The following CCND3 variants were observed in gnomAD, a reference collection of about 807,000 sequenced individuals.
CCND3 encodes cyclin D3, also known as G1/S-specific cyclin-D3.
A neutral mutation model predicts 28.7 loss-of-function variants in CCND3; 9 were observed. That is an observed-to-expected ratio of 0.31 (90% CI 0.19 to 0.55). CCND3 has a LOEUF of 0.55. CCND3 is among the 20% of genes least tolerant of loss of function. CCND3 has a pLI of 0.93. For synonymous variants in CCND3, 164 were observed against 163.9 expected (o/e 1.00, Z 0.00); for missense variants, 315 against 385.8 (o/e 0.82, Z 1.54).
intron 1 of CCND3, among the ~76,000 whole-genome samples, chr6:42,022,665 T>C (rs1292844669): frequency 4.6e-5 from 7 of 152,206 alleles, no homozygotes; most frequent in Non-Finnish European, 1.0e-4. Flanking sequence ...CCTGGAGCAG[T>C]CACAGGTGGC....
chr6:42,042,352 G>C (rs1039590966), intron 1 of CCND3, among the ~76,000 whole-genome samples: 1 of 141,190 alleles, frequency 7.1e-6, no homozygotes, highest in South Asian at 2.4e-4. Flanking sequence ...GGAAGCGTAG[G>C]CTCGGAAGTG....
At position 41,938,407 on chromosome 6, in the gene CCND3, A is replaced by G. The variant is rs1775878995; in HGVS notation, c.415-1013T>C. 1 of 152,250 alleles carries G rather than the reference A, an allele frequency of 6.6e-6. No individual in the cohort carries two copies. The highest frequency in any genetic ancestry group is 1.5e-5 in the Non-Finnish European group (1 of 68,078). 9.4% of individuals were successfully genotyped at this position (152,250 alleles called of 1,614,324 possible). The stretch of plus-strand genomic sequence containing the variant: ...CCCCAGCTTAGGTGTCAGCCTCTCA[A>G]ATCAACCCCTACCCTCACAGAGCCC... On this transcript the variant is annotated intron_variant, in intron 2 of 4. Transcript: ENST00000372991. The surrounding 1 kb of genome is among the most constrained non-coding windows in gnomAD (Gnocchi z 4.6).
chr6:41,978,114 C>A (rs1471569755), intron 1 of CCND3, among the ~76,000 whole-genome samples: 4 of 151,994 alleles, frequency 2.6e-5, no homozygotes, highest in African/African-American at 9.7e-5. Context: ...GTGGCTCATG[C>A]CTGTAATCCC....
chr6:41,997,815 T>A (rs778866249), intron 1 of CCND3, among the ~76,000 whole-genome samples: 3 of 151,548 alleles, frequency 2.0e-5, no homozygotes, highest in African/African-American at 7.3e-5. Flanking sequence ...AATCCAATCA[T>A]CTCTAAGGTC....
At position 41,938,596 on chromosome 6, in the gene CCND3, G is replaced by A. The variant is rs1251110215; in HGVS notation, c.415-1202C>T. ...AACTGGGAGTGGGACTCTCCCTATG[G>A]GGAGGCAAGGGGTTGTGTTTGAGGG... On this transcript the variant is annotated intron_variant, in intron 2 of 4. Coordinates refer to ENST00000372991, the MANE Select transcript of CCND3 (RefSeq NM_001760.5). The surrounding 1 kb of genome is among the most constrained non-coding windows in gnomAD (Gnocchi z 4.6). Among the ~76,000 whole-genome samples, 2 of 152,300 alleles carry A rather than the reference G, an allele frequency of 1.3e-5. No homozygotes were observed. The highest frequency in any genetic ancestry group is 2.9e-5 in the Non-Finnish European group (2 of 68,024).
At chr6:41,976,506 A>G (rs1762192371) in intron 1 of CCND3, among the ~76,000 whole-genome samples, 1 of 151,994 alleles carries the variant, frequency 6.6e-6, no homozygotes, top group African/African-American at 2.4e-5. Flanking sequence ...TTCAAAAATT[A>G]GCCAGGTGTG....
At chr6:41,947,090 G>A (rs770648562) in intron 1 of CCND3, among the ~76,000 whole-genome samples, 2 of 152,012 alleles carry the variant, frequency 1.3e-5, no homozygotes, top group South Asian at 2.1e-4. Flanking sequence ...GCATGGTGGC[G>A]CATGCCTGTA....
Position 41,941,025 on chromosome 6 carries a change from G to T in CCND3, c.198+427C>A, listed in dbSNP as rs771792940. ...TTCCCTGTCGGCCGGAACAGGGCGC[G>T]CGCCACCCCCATCGCCTTCCCCGCC... On this transcript the variant is annotated intron_variant, in intron 1 of 4. Coordinates refer to ENST00000372991, the MANE Select transcript of CCND3 (RefSeq NM_001760.5). The surrounding 1 kb of genome is among the most constrained non-coding windows in gnomAD (Gnocchi z 6.1). 26 of 1,608,678 alleles carry T rather than the reference G, an allele frequency of 1.6e-5. No homozygotes were observed. The highest frequency in any genetic ancestry group is 3.4e-5 in the Admixed American group (2 of 59,536).
chr6:42,013,384 G>A (rs147002913), intron 1 of CCND3, among the ~76,000 whole-genome samples: 34 of 152,206 alleles, frequency 2.2e-4, no homozygotes, highest in Admixed American at 6.5e-4. Flanking sequence ...TTGTATGTTC[G>A]TTTGCTTATT....
At chr6:41,978,000 A>G (rs374774551) in intron 1 of CCND3, among the ~76,000 whole-genome samples, 2 of 151,934 alleles carry the variant, frequency 1.3e-5, no homozygotes, top group South Asian at 4.2e-4. Flanking sequence ...GGTTGCAGCA[A>G]GCCGAGATTA....
intron 1 of CCND3, among the ~76,000 whole-genome samples, chr6:42,008,830 T>A (rs191883861): frequency 3.4e-4 from 52 of 152,300 alleles, no homozygotes; most frequent in Middle Eastern, 3.4e-3. Flanking sequence ...CACCACTGCC[T>A]AACATTCCAC....
chr6:41,951,656 G>A (rs115734688), intron 1 of CCND3, among the ~76,000 whole-genome samples: 1,777 of 151,990 alleles, frequency 0.012, 37 homozygotes, highest in African/African-American at 0.039. Flanking sequence ...GGGGGGTCAG[G>A]AGTAGTATGT....
chr6:41,972,105 A>G (rs1413067553), intron 1 of CCND3, among the ~76,000 whole-genome samples: 1 of 150,750 alleles, frequency 6.6e-6, no homozygotes, highest in Non-Finnish European at 1.5e-5. Flanking sequence ...GCGGGCGCCT[A>G]TAGTCCCAGC....
chr6:41,987,008 ATAAC>A (rs750004787), intron 1 of CCND3, among the ~76,000 whole-genome samples: 3 of 152,098 alleles, frequency 2.0e-5, no homozygotes, highest in Non-Finnish European at 4.4e-5. Flanking sequence ...GTCTGCCTAA[ATAAC>A]TACCCCATTT....
Position 42,014,365 on chromosome 6 carries a change from C to CAAACAAAACAAAACAAAACA in CCND3, c.-46+34116_-46+34135dup, listed in dbSNP as rs66873567. On this transcript the variant is annotated intron_variant, in intron 1 of 4. Coordinates refer to the CCND3 transcript ENST00000372988. ...CCTGGGCAACAGCGAGACTCTGTCT[C>CAAACAAAACAAAACAAAACA]AAACAAAACAAAACAAAACAAAACA... Among the ~76,000 whole-genome samples, 52 of 148,826 alleles carry CAAACAAAACAAAACAAAACA rather than the reference C, an allele frequency of 3.5e-4. 1 individual carries two copies. Among genetic ancestry groups the CAAACAAAACAAAACAAAACA allele is most frequent in the East Asian group, 2.2e-3 (11 of 4,940 alleles).
upstream of CCND3, among the ~76,000 whole-genome samples, chr6:41,942,086 C>T (rs1421871366): frequency 2.0e-5 from 3 of 152,198 alleles, no homozygotes; most frequent in East Asian, 5.8e-4. Flanking sequence ...ACCCAGGAAA[C>T]AATTTTTCTC....
intron 1 of CCND3, among the ~76,000 whole-genome samples, chr6:42,042,422 G>A (rs978712098): frequency 6.6e-6 from 1 of 151,424 alleles, no homozygotes; most frequent in Admixed American, 6.6e-5. Flanking sequence ...GTGCAATGGC[G>A]CGATCTCGGC....
chr6:41,939,703 T>C lies in CCND3; in HGVS notation c.414+667A>G, dbSNP rs1473134499. 1.3e-5 allele frequency among the ~76,000 whole-genome samples: 2 copies of C among 152,244 alleles called. No individual in the cohort carries two copies. The highest frequency in any genetic ancestry group is 3.9e-4 in the East Asian group (2 of 5,168). ...CCCTGTCTGTCCCTCAGCTTGGGCCTTGGGCTAAGGGGGGAAGAGGGAGCT... is the reference window on the plus strand; with the variant it reads ...CCCTGTCTGTCCCTCAGCTTGGGCCCTGGGCTAAGGGGGGAAGAGGGAGCT... On this transcript the variant is annotated intron_variant, in intron 2 of 4. Transcript: ENST00000372991. The surrounding 1 kb of genome is among the most constrained non-coding windows in gnomAD (Gnocchi z 4.2).
intron 2 of CCND3, 188 bp from the exon 3 acceptor site, chr6:41,937,582 T>C: frequency 1.6e-6 from 1 of 627,206 alleles, no homozygotes; most frequent in East Asian, 2.7e-5. Flanking sequence ...GGCATGTGCT[T>C]TGAGCACTTA....
Sources: gnomAD v4.1 joint callset for allele counts (sites outside exome capture counted in the v4.1 genomes callset) on GRCh38, gnomAD v4.1.1 for gene constraint, Gnocchi (gnomAD v3.1) non-coding constraint, MANE v1.5 for transcripts, NCBI Gene and HGNC (gene_info 2026-07-23, HGNC 2026-07-21) for gene names.